Variants in PTPRD observed in about 807,000 individuals in gnomAD.
PTPRD encodes receptor-type tyrosine-protein phosphatase delta.
PTPRD carries 34 observed loss-of-function variants against 214.5 expected under a neutral mutation model. The ratio of observed to expected loss-of-function variants is 0.16; its 90% confidence interval spans 0.12 to 0.21. PTPRD has a LOEUF of 0.21. Ranked by LOEUF, PTPRD falls within the 10% of genes least tolerant of loss-of-function variation. The pLI, the probability that PTPRD is intolerant of heterozygous loss-of-function variation, is 1.00. For missense variants in PTPRD, 2,545 were observed against 2,398.7 expected, an observed-to-expected ratio of 1.06 and a Z score of -1.27; for synonymous variants, 1,128 against 845.7, an observed-to-expected ratio of 1.33 and a Z score of -5.79.
At chr9:9,103,809 T>G (rs1265569858) in intron 10 of PTPRD, among the ~76,000 whole-genome samples, 1 of 151,970 alleles carries the variant, frequency 6.6e-6, no homozygotes, top group African/African-American at 2.4e-5. Flanking sequence ...GATGAAACCC[T>G]GTCTCTACAA....
At chr9:10,432,128 C>T (rs2098686086) in intron 2 of PTPRD, among the ~76,000 whole-genome samples, 1 of 151,800 alleles carries the variant, frequency 6.6e-6, no homozygotes, top group African/African-American at 2.4e-5. Flanking sequence ...GAGTTCATGT[C>T]CTTTGTAGGG....
intron 9 of PTPRD, among the ~76,000 whole-genome samples, chr9:9,210,954 G>T (rs553368544): frequency 6.7e-6 from 1 of 149,478 alleles, no homozygotes; most frequent in Admixed American, 6.7e-5. Context: ...TTATTTTTCT[G>T]AAATTTCTTA....
intron 5 of PTPRD, among the ~76,000 whole-genome samples, chr9:9,801,738 T>C (rs1309523220): frequency 1.3e-5 from 2 of 152,046 alleles, no homozygotes; most frequent in Admixed American, 1.3e-4. Context: ...CTATTAAAGG[T>C]TAAATTCACC....
chr9:10,191,320 A>C lies in PTPRD; in HGVS notation c.-545+149643T>G, dbSNP rs574202427. 2.1e-3 allele frequency among the ~76,000 whole-genome samples: 322 copies of C among 152,180 alleles called. 3 individuals are homozygous for C. The highest frequency in any genetic ancestry group is 0.014 in the Middle Eastern group (4 of 294). On this transcript the variant is annotated intron_variant, in intron 3 of 45. Coordinates refer to ENST00000381196, the MANE Select transcript of PTPRD (RefSeq NM_002839.4). ...ATATTCTATTTTATTTTTCTTTCTT[A>C]TAAAACCAATTTATAAAACTAATAC...
At chr9:9,945,356 T>A (rs918227955) in intron 4 of PTPRD, among the ~76,000 whole-genome samples, 1 of 151,814 alleles carries the variant, frequency 6.6e-6, no homozygotes, top group Admixed American at 6.6e-5. Flanking sequence ...CACCAAAGGG[T>A]GATGAAAGGA....
chr9:8,971,553 T>A (rs999338300), intron 11 of PTPRD, among the ~76,000 whole-genome samples: 1 of 151,710 alleles, frequency 6.6e-6, no homozygotes, highest in Non-Finnish European at 1.5e-5. Flanking sequence ...TAGGATGAGG[T>A]CTGCTACATA....
chr9:10,415,711 A>G (rs186102185), intron 2 of PTPRD, among the ~76,000 whole-genome samples: 2,706 of 151,954 alleles, frequency 0.018, 76 homozygotes, highest in African/African-American at 0.061. Flanking sequence ...TGGAAGCAAC[A>G]TATGTAAATC....
intron 9 of PTPRD, among the ~76,000 whole-genome samples, chr9:9,252,059 C>CT (rs1044506330): frequency 9.9e-5 from 15 of 151,012 alleles, no homozygotes; most frequent in Non-Finnish European, 1.5e-4. Flanking sequence ...CACGGGATTT[C>CT]TTTTTTTTTG....
intron 2 of PTPRD, among the ~76,000 whole-genome samples, chr9:10,425,869 C>T (rs996840900): frequency 2.0e-5 from 3 of 151,752 alleles, no homozygotes; most frequent in Non-Finnish European, 4.4e-5. Flanking sequence ...ATTCATAAGT[C>T]ATATACAATT....
intron 5 of PTPRD, 23 bp from the exon 6 acceptor site, chr9:9,766,874 T>G (rs927920249): frequency 1.3e-5 from 2 of 152,512 alleles, no homozygotes; most frequent in Non-Finnish European, 2.9e-5. Context: ...AAAGAATATT[T>G]CTATTAATAT....
At chr9:9,973,964 G>A (rs532324317) in intron 4 of PTPRD, among the ~76,000 whole-genome samples, 94 of 152,178 alleles carry the variant, frequency 6.2e-4, no homozygotes, top group Non-Finnish European at 1.0e-3. Flanking sequence ...TTTAAAAGAG[G>A]GAGAAAACAT....
At position 8,356,338 on chromosome 9, in the gene PTPRD, C is replaced by T. The variant is rs182980471; in HGVS notation, c.4662-14360G>A. 4.1e-4 allele frequency among the ~76,000 whole-genome samples: 63 copies of T among 152,166 alleles called. No homozygotes were observed. In the East Asian group the frequency reaches 0.012, roughly 28 times the overall value. On this transcript the variant is annotated intron_variant, in intron 39 of 45. Transcript: ENST00000381196. ...GAACCCAGATTGGAAAGACACCAAACAAAGATAACAGAACTATTTTTAAGC... is the reference window on the plus strand; with the variant it reads ...GAACCCAGATTGGAAAGACACCAAATAAAGATAACAGAACTATTTTTAAGC...
intron 8 of PTPRD, among the ~76,000 whole-genome samples, chr9:9,448,683 A>C (rs1407301732): frequency 2.0e-5 from 3 of 152,090 alleles, no homozygotes; most frequent in Admixed American, 2.0e-4. Context: ...AAAACAGGTC[A>C]GCTCTTACTT....
chr9:8,382,199 A>G (rs974533467), intron 37 of PTPRD, among the ~76,000 whole-genome samples: 2 of 152,236 alleles, frequency 1.3e-5, no homozygotes, highest in Admixed American at 6.5e-5. Flanking sequence ...AACCAGTACA[A>G]CTATGTTGGG....
intron 7 of PTPRD, among the ~76,000 whole-genome samples, chr9:9,653,061 G>T (rs1354141522): frequency 1.3e-5 from 2 of 149,642 alleles, no homozygotes; most frequent in Non-Finnish European, 1.5e-5. Context: ...AGTGCCTCAT[G>T]GCCGGGCGCG....
In PTPRD at chr9:8,891,812, T is replaced by C. The variant is rs537817986; in HGVS notation, c.-104+126885A>G. Among the ~76,000 whole-genome samples, 3 of 152,214 alleles carry C rather than the reference T, an allele frequency of 2.0e-5. No individual in the cohort carries two copies. The South Asian group carries it at 6.2e-4, about 32-fold the overall frequency. On this transcript the variant is annotated intron_variant, in intron 11 of 45. Coordinates refer to ENST00000381196, the MANE Select transcript of PTPRD (RefSeq NM_002839.4). The stretch of plus-strand genomic sequence containing the variant: ...ACCACTGGAAGCAAAATAAAGTCAT[T>C]CTGTGACTGCTTAAAATCACCTTGG...
chr9:10,418,232 A>G (rs2098511706), intron 2 of PTPRD, among the ~76,000 whole-genome samples: 1 of 151,904 alleles, frequency 6.6e-6, no homozygotes, highest in Non-Finnish European at 1.5e-5. Context: ...AAGTGTGTTT[A>G]TATCTAGCTC....
At position 9,712,605 on chromosome 9, in the gene PTPRD, C is replaced by T. The variant is rs138270493; in HGVS notation, c.-287+21928G>A. On this transcript the variant is annotated intron_variant, in intron 7 of 45. Transcript: ENST00000381196. ...AGACGGCAGATCTTGCTATATAACA[C>T]ATCTATTCTATGATACACTGCCATT... is the stretch of plus-strand genomic sequence containing the variant. Among the ~76,000 whole-genome samples the T allele has an allele frequency of 5.4e-3, 821 of 152,260 alleles. 4 individuals carry two copies. The highest frequency in any genetic ancestry group is 8.4e-3 in the Non-Finnish European group (570 of 68,020).
chr9:8,525,188 T>C, intron 17 of PTPRD, 153 bp from the exon 18 acceptor site: 1 of 762,654 alleles, frequency 1.3e-6, no homozygotes, highest in Non-Finnish European at 2.4e-6. Context: ...AGACAGAAAA[T>C]GATGCGATGA....
Sources: gnomAD v4.1 joint callset for allele counts (sites outside exome capture counted in the v4.1 genomes callset) on GRCh38, gnomAD v4.1.1 for gene constraint, MANE v1.5 for transcripts, NCBI Gene and HGNC (gene_info 2026-07-23, HGNC 2026-07-21) for gene names.